The following ADARB1 variants were observed in gnomAD, a reference collection of about 807,000 sequenced individuals.
ADARB1 encodes the protein adenosine deaminase RNA specific B1.
Under a neutral mutation model 52.4 loss-of-function variants are expected in ADARB1, and 10 were observed. That is an observed-to-expected ratio of 0.19 (90% CI 0.12 to 0.32). The LOEUF is 0.32. Ranked by LOEUF, ADARB1 falls within the 10% of genes least tolerant of loss-of-function variation. The probability of loss-of-function intolerance (pLI) is 1.00; values close to 1 mark genes in which losing one functional copy is unlikely to be tolerated. For synonymous variants in ADARB1, 349 were observed against 371.1 expected (o/e 0.94, Z 0.68); for missense variants, 643 against 922.3 (o/e 0.70, Z 3.92).
At chr21:45,135,379 C>T (rs2089300633) in intron 2 of ADARB1, among the ~76,000 whole-genome samples, 1 of 152,242 alleles carries the variant, frequency 6.6e-6, no homozygotes, top group Admixed American at 6.5e-5. Context: ...CCTGGCACCC[C>T]TTAGTGTGGC....
chr21:45,081,662 G>A (rs750256545), intron 1 of ADARB1, among the ~76,000 whole-genome samples: 12 of 152,180 alleles, frequency 7.9e-5, no homozygotes, highest in Non-Finnish European at 7.3e-5. Context: ...GAGGAGACAG[G>A]GCTGAGGTAG....
intron 8 of ADARB1, among the ~76,000 whole-genome samples, chr21:45,190,960 C>G (rs961382347): frequency 9.2e-5 from 14 of 152,208 alleles, no homozygotes; most frequent in Admixed American, 9.2e-4. Flanking sequence ...GTGAAATTTC[C>G]TATCCCTTTC....
At chr21:45,173,215 G>A (rs1361311355) in intron 3 of ADARB1, among the ~76,000 whole-genome samples, 1 of 152,198 alleles carries the variant, frequency 6.6e-6, no homozygotes, top group Admixed American at 6.5e-5. Flanking sequence ...ATGTTGTAGT[G>A]CTAAAACGTG....
At chr21:45,123,274 CGT>C (rs10647195) in intron 1 of ADARB1, among the ~76,000 whole-genome samples, 98 of 149,084 alleles carry the variant, frequency 6.6e-4, no homozygotes, top group Middle Eastern at 3.5e-3. Flanking sequence ...ATATATACTA[CGT>C]GTGTGTGTGT....
At chr21:45,199,217 A>G (rs1446248502) in intron 8 of ADARB1, among the ~76,000 whole-genome samples, 3 of 152,188 alleles carry the variant, frequency 2.0e-5, no homozygotes, top group African/African-American at 4.8e-5. Flanking sequence ...GTCCCGCACC[A>G]TCTAAGAGGT....
intron 2 of ADARB1, among the ~76,000 whole-genome samples, chr21:45,129,580 C>T (rs780626780): frequency 1.2e-4 from 18 of 152,222 alleles, no homozygotes; most frequent in Non-Finnish European, 1.9e-4. Context: ...ACCAGGCGCT[C>T]GCTTGGCAGC....
chr21:45,153,849 T>G (rs2090426277), intron 2 of ADARB1, among the ~76,000 whole-genome samples: 1 of 152,148 alleles, frequency 6.6e-6, no homozygotes, highest in Admixed American at 6.6e-5. Context: ...TGCCCTCACC[T>G]CAAGAGGTCA....
At chr21:45,109,242 T>C (rs548654861) in intron 1 of ADARB1, among the ~76,000 whole-genome samples, 133 of 137,022 alleles carry the variant, frequency 9.7e-4, no homozygotes, top group African/African-American at 3.4e-3. Context: ...TATATGTGTG[T>C]GCGCGCGTGT....
At chr21:45,149,820 A>C (rs138012596) in intron 2 of ADARB1, among the ~76,000 whole-genome samples, 82 of 152,380 alleles carry the variant, frequency 5.4e-4, no homozygotes, top group South Asian at 2.3e-3. Flanking sequence ...ATGCGGGGCT[A>C]GCGCACAGCG....
At chr21:45,152,461 C>A (rs1416623001) in intron 2 of ADARB1, 2 of 232,886 alleles carry the variant, frequency 8.6e-6, no homozygotes, top group Non-Finnish European at 9.0e-6. Context: ...ATGAATGGGC[C>A]CGAGGCAGAG....
intron 1 of ADARB1, among the ~76,000 whole-genome samples, chr21:45,124,849 G>A (rs1270710954): frequency 6.6e-6 from 1 of 151,876 alleles, no homozygotes; most frequent in African/African-American, 2.4e-5. Context: ...CTAGGCCGGA[G>A]TGCAGTGGTG....
chr21:45,139,933 C>CTTTTTTT (rs200847132), intron 2 of ADARB1, among the ~76,000 whole-genome samples: 1 of 84,934 alleles, frequency 1.2e-5, no homozygotes, highest in African/African-American at 4.6e-5. Flanking sequence ...CAATAAAACT[C>CTTTTTTT]TTTTTTTTTT....
Position 45,220,913 on chromosome 21 carries a change from A to G in ADARB1, c.1825A>G (p.Ile609Val), listed in dbSNP as rs781377959. The change falls in exon 10 of 11, where the codon ATT (isoleucine) becomes GTT (valine). Residue 609 changes from isoleucine (I) to valine (V), a missense_variant. Transcript: ENST00000348831. The surrounding 1 kb of genome is among the most constrained non-coding windows in gnomAD (Gnocchi z 6.3). ...CAACTGGACGGTAGGCGACTCCGCTATTGAGGTCATCAACGCCACGACTGG... is the reference window on the plus strand; with the variant it reads ...CAACTGGACGGTAGGCGACTCCGCTGTTGAGGTCATCAACGCCACGACTGG... ...SVNWTVGDSAIEVINATTGKD... is the reference protein window; with the variant it reads ...SVNWTVGDSAVEVINATTGKD... The G allele has an allele frequency of 7.5e-5, 121 of 1,613,322 alleles. No homozygotes were observed. The highest frequency in any genetic ancestry group is 1.0e-4 in the Non-Finnish European group (119 of 1,180,026).
intron 5 of ADARB1, 121 bp downstream of exon 5, chr21:45,180,565 T>A: frequency 1.2e-6 from 1 of 818,586 alleles, no homozygotes; most frequent in East Asian, 2.7e-5. Context: ...CTTTTCTTCT[T>A]CAAAATGTCT....
intron 9 of ADARB1, among the ~76,000 whole-genome samples, chr21:45,214,261 T>C (rs1473005874): frequency 6.6e-6 from 1 of 152,246 alleles, no homozygotes; most frequent in Non-Finnish European, 1.5e-5. Flanking sequence ...TTGAGAGTTA[T>C]TTATATTTTC....
rs551022171 is a variant in ADARB1, at chr21:45,220,801, G to A, written c.1748-35G>A. The stretch of plus-strand genomic sequence containing the variant: ...TGCTCCCTCCCTGGGGGTGAAAGCG[G>A]GCTTCACACCACCTTCCTGTGTCTT... On this transcript the variant is annotated intron_variant, in intron 9 of 10. Transcript: ENST00000348831. This position sits in a 1 kb window ranked among gnomAD's most constrained non-coding sequence, Gnocchi z 6.3. 558 of 1,602,492 alleles carry A rather than the reference G, an allele frequency of 3.5e-4. 8 individuals carry two copies. The South Asian group carries it at 5.9e-3, about 17-fold the overall frequency.
intron 2 of ADARB1, among the ~76,000 whole-genome samples, chr21:45,159,756 G>A (rs989793255): frequency 2.0e-5 from 3 of 152,148 alleles, no homozygotes; most frequent in Non-Finnish European, 4.4e-5. Flanking sequence ...CCTCTGGACA[G>A]CAGTGTGAAC....
chr21:45,207,477 G>A (rs1428995314), intron 9 of ADARB1, among the ~76,000 whole-genome samples: 1 of 152,224 alleles, frequency 6.6e-6, no homozygotes, highest in Non-Finnish European at 1.5e-5. Flanking sequence ...GGTGTTACTG[G>A]AGACAAAAGG....
intron 2 of ADARB1, among the ~76,000 whole-genome samples, chr21:45,151,589 T>G (rs561487943): frequency 6.6e-6 from 1 of 152,298 alleles, no homozygotes; most frequent in South Asian, 2.1e-4. Context: ...TCAGGGCATT[T>G]GGATGCAGCT....
Sources: allele counts gnomAD v4.1 joint callset (sites outside exome capture counted in the v4.1 genomes callset), GRCh38; gene constraint gnomAD v4.1.1; non-coding constraint Gnocchi (gnomAD v3.1); transcripts MANE v1.5; gene names NCBI Gene and HGNC (gene_info 2026-07-23, HGNC 2026-07-21).